Variants in NSG1 observed in about 807,000 individuals in gnomAD.
NSG1 encodes the protein neuronal vesicle trafficking associated 1.
A neutral mutation model predicts 19.3 loss-of-function variants in NSG1; 9 were observed. The observed-to-expected ratio is 0.47, with a 90% CI of 0.28 to 0.81. The LOEUF (loss-of-function observed/expected upper bound fraction) is 0.81, where lower values mean the gene tolerates loss of function less well. Among genes scored for constraint, NSG1 ranks in the 40% least tolerant of loss-of-function variants. The pLI, the probability that NSG1 is intolerant of heterozygous loss-of-function variation, is 0.11. For missense variants in NSG1, 236 were observed against 242.4 expected (o/e 0.97, Z 0.18); for synonymous variants, 104 against 107.0 (o/e 0.97, Z 0.17).
chr4:4,390,071 G>A (rs1045486674), intron 2 of NSG1, among the ~76,000 whole-genome samples: 1 of 152,128 alleles, frequency 6.6e-6, no homozygotes, highest in African/African-American at 2.4e-5. Flanking sequence ...TACGGGAGAG[G>A]TTTCCATGGG....
At chr4:4,405,347 C>G (rs1450595364) in intron 3 of NSG1, among the ~76,000 whole-genome samples, 1 of 152,310 alleles carries the variant, frequency 6.6e-6, no homozygotes, top group South Asian at 2.1e-4. Context: ...TGCAAAGATC[C>G]TATTTTCAAA....
At chr4:4,400,190 C>G (rs1008871726) in intron 3 of NSG1, among the ~76,000 whole-genome samples, 1 of 152,160 alleles carries the variant, frequency 6.6e-6, no homozygotes, top group Non-Finnish European at 1.5e-5. Context: ...GCATGTGGTC[C>G]TAACAGCATT....
chr4:4,399,895 A>G (rs1229498545), intron 3 of NSG1, among the ~76,000 whole-genome samples: 1 of 152,238 alleles, frequency 6.6e-6, no homozygotes, highest in Non-Finnish European at 1.5e-5. Flanking sequence ...ATGAGAATCT[A>G]ATGCTGCCAC....
intron 1 of NSG1, 22 bp downstream of exon 1, chr4:4,387,195 T>TGGGCTTGCCGAGGCCA (rs1722761397): frequency 6.4e-6 from 1 of 156,478 alleles, no homozygotes; most frequent in African/African-American, 2.4e-5. Context: ...CGGCCGCGCC[T>TGGGCTTGCCGAGGCCA]GGGCTTGCCG....
At chr4:4,410,488 C>G (rs1273606658) in intron 4 of NSG1, among the ~76,000 whole-genome samples, 1 of 152,226 alleles carries the variant, frequency 6.6e-6, no homozygotes, top group African/African-American at 2.4e-5. Flanking sequence ...CACACCCGGG[C>G]TGGAGGGTAT....
At chr4:4,390,637 T>C (rs557757859) in intron 2 of NSG1, among the ~76,000 whole-genome samples, 182 of 152,228 alleles carry the variant, frequency 1.2e-3, no homozygotes, top group Middle Eastern at 3.4e-3. Context: ...GAGCGGGGTT[T>C]GGGGATTAGA....
intron 3 of NSG1, among the ~76,000 whole-genome samples, chr4:4,396,332 C>T (rs947710505): frequency 1.3e-5 from 2 of 152,168 alleles, no homozygotes; most frequent in South Asian, 2.1e-4. Context: ...TCCAGCCCTT[C>T]GTGCTTCGTG....
intron 3 of NSG1, among the ~76,000 whole-genome samples, chr4:4,402,896 C>T (rs910035199): frequency 2.0e-5 from 3 of 152,244 alleles, no homozygotes; most frequent in Non-Finnish European, 2.9e-5. Context: ...ACCCACGGGG[C>T]GTGGATGGAA....
chr4:4,392,051 A>C (rs1266561075), intron 3 of NSG1, among the ~76,000 whole-genome samples: 1 of 152,186 alleles, frequency 6.6e-6, no homozygotes, highest in Admixed American at 6.5e-5. Context: ...GGTATAACCC[A>C]TTTTGCAGAT....
chr4:4,417,726 C>G lies in NSG1; in HGVS notation c.*291C>G. 1 of 431,252 alleles carries G rather than the reference C, an allele frequency of 2.3e-6. No individual in the cohort carries two copies. The highest frequency in any genetic ancestry group is 3.8e-5 in the Admixed American group (1 of 25,996). The allele number at this position is 431,252 out of a possible 1,614,324, so 26.7% of individuals were successfully genotyped here. A position where few individuals can be genotyped will look rare whatever the true frequency, so the allele number is the denominator to read the frequency against. On this transcript the variant is annotated 3_prime_UTR_variant, in exon 5 of 5. Coordinates refer to ENST00000621129, the MANE Select transcript of NSG1 (RefSeq NM_014392.5). ...GATGCTGTAAAAAAATAAATTTACA[C>G]TGGATATGCGAAGGGTTTGGATCTC...
intron 3 of NSG1, among the ~76,000 whole-genome samples, chr4:4,397,810 G>T (rs1449627047): frequency 6.6e-6 from 1 of 152,088 alleles, no homozygotes; most frequent in African/African-American, 2.4e-5. Flanking sequence ...GTATTTCTCT[G>T]TTCCCGGCTG....
At chr4:4,399,622 A>G (rs1723444146) in intron 3 of NSG1, among the ~76,000 whole-genome samples, 1 of 152,128 alleles carries the variant, frequency 6.6e-6, no homozygotes, top group African/African-American at 2.4e-5. Context: ...AAAATCTTAC[A>G]TTTTTGGTGA....
At chr4:4,389,221 T>C (rs1439944394) in intron 2 of NSG1, among the ~76,000 whole-genome samples, 2 of 152,246 alleles carry the variant, frequency 1.3e-5, no homozygotes, top group African/African-American at 4.8e-5. Flanking sequence ...TTGGCACAGT[T>C]GGTTTATACA....
At chr4:4,408,737 G>C (rs1723999250) in intron 3 of NSG1, among the ~76,000 whole-genome samples, 1 of 149,876 alleles carries the variant, frequency 6.7e-6, no homozygotes, top group South Asian at 2.1e-4. Context: ...TGGGATTACA[G>C]GTGTGAGTCA....
intron 3 of NSG1, among the ~76,000 whole-genome samples, chr4:4,405,570 G>A (rs762096707): frequency 7.2e-5 from 11 of 152,080 alleles, no homozygotes; most frequent in East Asian, 1.9e-4. Context: ...ATTCAATTCC[G>A]AGCCAGTTTC....
At chr4:4,404,012 A>G (rs961796747) in intron 3 of NSG1, among the ~76,000 whole-genome samples, 6 of 152,220 alleles carry the variant, frequency 3.9e-5, no homozygotes, top group African/African-American at 1.4e-4. Context: ...CTATGCCGCT[A>G]TCGCTACTTG....
chr4:4,409,201 C>A (rs902447204), intron 3 of NSG1, among the ~76,000 whole-genome samples: 1 of 152,212 alleles, frequency 6.6e-6, no homozygotes, highest in Non-Finnish European at 1.5e-5. Context: ...GATGCACCAC[C>A]GCCGTGATGG....
chr4:4,417,283 G>A lies in NSG1; in HGVS notation c.406G>A (p.Asp136Asn). 1 of 1,614,178 alleles carries A rather than the reference G, an allele frequency of 6.2e-7. No individual in the cohort carries two copies. The highest frequency in any genetic ancestry group is 8.5e-7 in the Non-Finnish European group (1 of 1,180,044). ...EGLESYYAEQDSSAREKFYTV... is the reference protein window; with the variant it reads ...EGLESYYAEQNSSAREKFYTV... ...CTTGGAGAGCTACTACGCGGAGCAA[G>A]ACTCCAGTGCCCGGGAGAAATTTTA... is the stretch of plus-strand genomic sequence containing the variant. Residue 136 changes from aspartate (D) to asparagine (N), a missense_variant, in exon 5 of 5, where the codon GAC (aspartate) becomes AAC (asparagine). By Grantham distance (23) the Asp-to-Asn change is conservative (BLOSUM62 1). Transcript: ENST00000621129.
chr4:4,407,664 TGAA>T (rs1381912728), intron 3 of NSG1, among the ~76,000 whole-genome samples: 1 of 151,978 alleles, frequency 6.6e-6, no homozygotes, highest in Non-Finnish European at 1.5e-5. Flanking sequence ...GGCCTGGAGA[TGAA>T]GACCTCCGGG....
Sources: gnomAD v4.1 joint callset for allele counts (sites outside exome capture counted in the v4.1 genomes callset) on GRCh38, gnomAD v4.1.1 for gene constraint, MANE v1.5 for transcripts, NCBI Gene and HGNC (gene_info 2026-07-23, HGNC 2026-07-21) for gene names.